ADGRL3: variants seen among roughly 807,000 people sequenced by gnomAD.
The protein encoded by ADGRL3 is adhesion G protein-coupled receptor L3.
A neutral mutation model predicts 153.5 loss-of-function variants in ADGRL3; 62 were observed. The observed-to-expected ratio is 0.40, with a 90% CI of 0.33 to 0.50. The LOEUF (loss-of-function observed/expected upper bound fraction) is 0.50, where lower values mean the gene tolerates loss of function less well. Among genes scored for constraint, ADGRL3 ranks in the 20% least tolerant of loss-of-function variants. The pLI, the probability that ADGRL3 is intolerant of heterozygous loss-of-function variation, is 0.47. For missense variants in ADGRL3, 1,641 were observed against 1,859.4 expected (o/e 0.88, Z 2.16); for synonymous variants, 710 against 672.5 (o/e 1.06, Z -0.86).
intron 2 of ADGRL3, among the ~76,000 whole-genome samples, chr4:61,472,278 C>T (rs1011964577): frequency 2.0e-5 from 3 of 152,044 alleles, no homozygotes; most frequent in African/African-American, 4.8e-5. Context: ...AGTTCAAAGA[C>T]TAGAACTTTA....
intron 4 of ADGRL3, among the ~76,000 whole-genome samples, chr4:61,540,931 A>G (rs766806358): frequency 2.0e-5 from 3 of 152,156 alleles, no homozygotes; most frequent in Non-Finnish European, 4.4e-5. Context: ...TAAATTTGAT[A>G]TAGAACATAT....
At chr4:61,701,752 A>G in intron 6 of ADGRL3, among the ~76,000 whole-genome samples, 1 of 151,988 alleles carries the variant, frequency 6.6e-6, no homozygotes, top group East Asian at 1.9e-4. Context: ...AATTGAAGGA[A>G]GGTGATAACT....
chr4:61,643,043 T>C (rs1269371373), intron 5 of ADGRL3, among the ~76,000 whole-genome samples: 1 of 152,224 alleles, frequency 6.6e-6, no homozygotes, highest in Non-Finnish European at 1.5e-5. Flanking sequence ...TTATTCTCTT[T>C]GAAGCAATTG....
chr4:61,863,107 G>T (rs936362010), intron 9 of ADGRL3, among the ~76,000 whole-genome samples: 15 of 151,944 alleles, frequency 9.9e-5, no homozygotes, highest in Admixed American at 3.3e-4. Context: ...GGAACCAGAT[G>T]AACAATGTGA....
chr4:61,773,298 T>C (rs2097107432), intron 8 of ADGRL3, among the ~76,000 whole-genome samples: 1 of 152,186 alleles, frequency 6.6e-6, no homozygotes, highest in Admixed American at 6.5e-5. Context: ...AGTAATATAC[T>C]AAATCAAATA....
intron 13 of ADGRL3, among the ~76,000 whole-genome samples, chr4:61,934,154 T>C (rs2098828870): frequency 2.0e-5 from 3 of 152,196 alleles, no homozygotes; most frequent in Admixed American, 1.3e-4. Flanking sequence ...GTGTACCTAC[T>C]GCTGATTTTT....
At chr4:61,798,265 T>C (rs568235768) in intron 8 of ADGRL3, among the ~76,000 whole-genome samples, 1 of 152,192 alleles carries the variant, frequency 6.6e-6, no homozygotes, top group Non-Finnish European at 1.5e-5. Flanking sequence ...TTAAATCCCA[T>C]TGGAAATTAA....
intron 4 of ADGRL3, among the ~76,000 whole-genome samples, chr4:61,539,258 C>T (rs946562991): frequency 7.2e-5 from 11 of 152,196 alleles, no homozygotes; most frequent in African/African-American, 1.7e-4. Context: ...TGGCTGTCTC[C>T]GGGGCACTGA....
At chr4:61,505,710 A>G (rs1417956100) in intron 3 of ADGRL3, among the ~76,000 whole-genome samples, 1 of 151,930 alleles carries the variant, frequency 6.6e-6, no homozygotes, top group Non-Finnish European at 1.5e-5. Flanking sequence ...TGTTCTGCAA[A>G]TTGCTGAATG....
rs1382355454 is a variant in ADGRL3 at position 61,647,095 on chromosome 4, T to A, written c.474-29731T>A. ...TAGGAAAGGGAACTCCCTGACCCCT[T>A]GTGCTTCCCGAGTGAGGCAATGCCT... On this transcript the variant is annotated intron_variant, in intron 5 of 26. Coordinates refer to ENST00000683033, the MANE Select transcript of ADGRL3 (RefSeq NM_001387552.1). 2.6e-5 allele frequency among the ~76,000 whole-genome samples: 4 copies of A among 152,092 alleles called. No homozygotes were observed. In the East Asian group the frequency reaches 5.9e-4, roughly 22 times the overall value.
chr4:62,015,562 G>C (rs190542551), intron 21 of ADGRL3, among the ~76,000 whole-genome samples: 2 of 152,190 alleles, frequency 1.3e-5, no homozygotes, highest in African/African-American at 4.8e-5. Context: ...ACAGTGCTCT[G>C]ATTTTTCTGC....
intron 2 of ADGRL3, among the ~76,000 whole-genome samples, chr4:61,440,155 T>A (rs1461298950): frequency 2.0e-5 from 3 of 152,136 alleles, no homozygotes; most frequent in African/African-American, 7.2e-5. Context: ...TTCAAGCGAT[T>A]CTCCCATCTC....
At chr4:61,534,183 C>A (rs2098640924) in intron 4 of ADGRL3, among the ~76,000 whole-genome samples, 1 of 152,126 alleles carries the variant, frequency 6.6e-6, no homozygotes, top group African/African-American at 2.4e-5. Context: ...GCTTTCCCAG[C>A]AGCATTTATT....
At chr4:61,894,617 G>C (rs1323225128) in intron 10 of ADGRL3, among the ~76,000 whole-genome samples, 1 of 152,154 alleles carries the variant, frequency 6.6e-6, no homozygotes, top group East Asian at 1.9e-4. Context: ...CTACAGAAAT[G>C]TGTCATTATT....
intron 1 of ADGRL3, among the ~76,000 whole-genome samples, chr4:61,362,890 T>G (rs2096312938): frequency 1.3e-5 from 2 of 152,188 alleles, no homozygotes. Flanking sequence ...TCACTTCTGC[T>G]GTAATGTATC....
chr4:61,737,897 T>C (rs1019076960), intron 8 of ADGRL3, among the ~76,000 whole-genome samples: 1 of 152,160 alleles, frequency 6.6e-6, no homozygotes, highest in Admixed American at 6.5e-5. Flanking sequence ...GGGTCTTTTT[T>C]TTTAGTCTTT....
At chr4:61,829,701 T>A (rs559290190) in intron 9 of ADGRL3, among the ~76,000 whole-genome samples, 94 of 152,264 alleles carry the variant, frequency 6.2e-4, no homozygotes, top group Admixed American at 5.9e-3. Flanking sequence ...CCACTTTTTT[T>A]AAAAAAAGAA....
At chr4:61,426,246 C>A (rs1284248921) in intron 2 of ADGRL3, among the ~76,000 whole-genome samples, 2 of 152,210 alleles carry the variant, frequency 1.3e-5, no homozygotes, top group Non-Finnish European at 2.9e-5. Context: ...GGTAAACTGC[C>A]CATCTATTGG....
intron 13 of ADGRL3, among the ~76,000 whole-genome samples, chr4:61,928,513 C>T (rs1200897875): frequency 6.6e-6 from 1 of 152,116 alleles, no homozygotes; most frequent in Non-Finnish European, 1.5e-5. Flanking sequence ...TTTTTCTTCT[C>T]TAACCTCATT....
Sources: gnomAD v4.1 joint callset for allele counts (sites outside exome capture counted in the v4.1 genomes callset) on GRCh38, gnomAD v4.1.1 for gene constraint, MANE v1.5 for transcripts, NCBI Gene and HGNC (gene_info 2026-07-23, HGNC 2026-07-21) for gene names.